Variants in RTN4RL1 observed in about 807,000 individuals in gnomAD.
The protein encoded by RTN4RL1 is reticulon 4 receptor like 1.
Under a neutral mutation model 25.6 loss-of-function variants are expected in RTN4RL1, and 7 were observed. That is an observed-to-expected ratio of 0.27 (90% CI 0.16 to 0.51). The LOEUF (loss-of-function observed/expected upper bound fraction) is 0.51. Among genes scored for constraint, RTN4RL1 ranks in the 20% least tolerant of loss-of-function variants. The pLI, the probability that RTN4RL1 is intolerant of heterozygous loss-of-function variation, is 0.97. For synonymous variants in RTN4RL1, 297 were observed against 288.2 expected, an observed-to-expected ratio of 1.03 and a Z score of -0.31; for missense variants, 500 against 615.6, an observed-to-expected ratio of 0.81 and a Z score of 1.99.
rs58785478 is a variant in RTN4RL1 at position 1,935,711 on chromosome 17, GTATATATATATATATATATATATA to G, written c.*761_*784del. On this transcript the variant is annotated 3_prime_UTR_variant, in exon 2 of 2. Coordinates refer to ENST00000331238, the MANE Select transcript of RTN4RL1 (RefSeq NM_178568.4). ...AGTGGGAGGGGGACTGTGCATTTGTGTATATATATATATATATATATATATATATATATATATATATATGTAGAG... is the reference window on the plus strand; with the variant it reads ...AGTGGGAGGGGGACTGTGCATTTGTGTATATATATATATATATATGTAGAG... 7.8e-4 allele frequency: 124 copies of G among 159,876 alleles called. 23 individuals carry two copies. Among genetic ancestry groups the G allele is most frequent in the Middle Eastern group, 4.1e-3 (1 of 244 alleles). 9.9% of individuals were successfully genotyped at this position (159,876 alleles called of 1,614,324 possible).
chr17:1,972,799 C>T (rs2066826259), intron 1 of RTN4RL1, among the ~76,000 whole-genome samples: 1 of 152,330 alleles, frequency 6.6e-6, no homozygotes, highest in Admixed American at 6.5e-5. Context: ...CCTCCACAGG[C>T]CCATTTTCTA....
chr17:1,970,109 C>T (rs1036190810), intron 1 of RTN4RL1, among the ~76,000 whole-genome samples: 2 of 151,806 alleles, frequency 1.3e-5, no homozygotes, highest in African/African-American at 4.8e-5. Flanking sequence ...GCAACCTCCG[C>T]CTCCCAGGTT....
In RTN4RL1 at chr17:1,998,434, G is replaced by A. The variant is rs1343534484; in HGVS notation, c.13+26419C>T. Among the ~76,000 whole-genome samples the A allele has an allele frequency of 6.6e-6, 1 of 152,100 alleles. No homozygotes were observed. Among genetic ancestry groups the A allele is most frequent in the Non-Finnish European group, 1.5e-5 (1 of 67,942 alleles). On this transcript the variant is annotated intron_variant, in intron 1 of 1. Transcript: ENST00000331238. The surrounding 1 kb of genome is among the most constrained non-coding windows in gnomAD (Gnocchi z 4.9). Reference sequence around the variant, plus strand: ...GCGCTGGGATCCGTTCCCTCTCGCGGGAGCCGCCGGCCGGGGATCTGCGCA... The same window carrying A: ...GCGCTGGGATCCGTTCCCTCTCGCGAGAGCCGCCGGCCGGGGATCTGCGCA...
chr17:1,956,856 G>A (rs1052215131), intron 1 of RTN4RL1, among the ~76,000 whole-genome samples: 7 of 150,432 alleles, frequency 4.7e-5, no homozygotes, highest in African/African-American at 7.3e-5. Flanking sequence ...ATTCTCCTTC[G>A]TCAGCACTCC....
At chr17:1,987,908 C>A (rs2066893758) in intron 1 of RTN4RL1, among the ~76,000 whole-genome samples, 1 of 150,386 alleles carries the variant, frequency 6.6e-6, no homozygotes, top group South Asian at 2.1e-4. Flanking sequence ...GATTTCAAGA[C>A]CATCATGGCC....
At chr17:2,022,817 CCAGGCTGTG>C (rs1265630818) in intron 1 of RTN4RL1, among the ~76,000 whole-genome samples, 1 of 152,224 alleles carries the variant, frequency 6.6e-6, no homozygotes, top group African/African-American at 2.4e-5. Flanking sequence ...CTTCAGCCAA[CCAGGCTGTG>C]CAGGAAGGAA....
In RTN4RL1 at chr17:1,935,711, GTATATA is replaced by G. The variant is rs58785478; in HGVS notation, c.*779_*784del. 7,538 of 159,712 alleles carry G rather than the reference GTATATA, an allele frequency of 0.047. 699 individuals are homozygous for G. Among genetic ancestry groups the G allele is most frequent in the Admixed American group, 0.12 (897 of 7,684 alleles). The allele number at this position is 159,712 out of a possible 1,614,324, so 9.9% of individuals were successfully genotyped here. On this transcript the variant is annotated 3_prime_UTR_variant, in exon 2 of 2. Transcript: ENST00000331238. ...AGTGGGAGGGGGACTGTGCATTTGT[GTATATA>G]TATATATATATATATATATATATAT...
intron 1 of RTN4RL1, among the ~76,000 whole-genome samples, chr17:1,949,340 G>A (rs941302604): frequency 2.0e-5 from 3 of 151,564 alleles, no homozygotes; most frequent in Admixed American, 6.6e-5. Flanking sequence ...CAGGTAATCC[G>A]CCCGCCTCAG....
At chr17:1,997,526 C>T (rs772927798) in intron 1 of RTN4RL1, among the ~76,000 whole-genome samples, 2 of 152,238 alleles carry the variant, frequency 1.3e-5, no homozygotes. Flanking sequence ...TGGTAGTCGA[C>T]AAGTATGACT....
chr17:1,936,591 G>A lies in RTN4RL1; in HGVS notation c.1231C>T (p.Arg411Cys), dbSNP rs574165669. Reference protein sequence around the residue: ...KGKCARRTPIRAPSGVQQASS... With the variant: ...KGKCARRTPICAPSGVQQASS... The stretch of plus-strand genomic sequence containing the variant: ...GCCTGCTGCACCCCGCTGGGGGCAC[G>A]GATGGGGGTCCTGCGGGCACACTTG... Residue 411 changes from arginine to cysteine, a missense_variant, in exon 2 of 2, where the codon CGT becomes TGT. Physicochemically the swap from Arg to Cys is radical, Grantham distance 180 (BLOSUM62 -3). Coordinates refer to ENST00000331238, the MANE Select transcript of RTN4RL1 (RefSeq NM_178568.4). The A allele has an allele frequency of 2.1e-5, 33 of 1,580,468 alleles. No homozygotes were observed. In the Admixed American group the frequency reaches 3.9e-4, roughly 19 times the overall value.
intron 1 of RTN4RL1, among the ~76,000 whole-genome samples, chr17:2,016,649 G>A (rs1391429629): frequency 6.6e-6 from 1 of 152,248 alleles, no homozygotes; most frequent in Non-Finnish European, 1.5e-5. Context: ...AGCGTGTGAT[G>A]AGAGACAGAG....
At chr17:2,022,920 G>A (rs534439051) in intron 1 of RTN4RL1, among the ~76,000 whole-genome samples, 2 of 152,224 alleles carry the variant, frequency 1.3e-5, no homozygotes, top group Non-Finnish European at 2.9e-5. Context: ...TCCCCCCGGG[G>A]AGCGGCCCCC....
intron 1 of RTN4RL1, among the ~76,000 whole-genome samples, chr17:2,001,911 C>T: frequency 6.7e-6 from 1 of 148,402 alleles, no homozygotes; most frequent in Admixed American, 6.9e-5. Flanking sequence ...CCTGAGGGGC[C>T]TCTTCACTTC....
In RTN4RL1 at chr17:1,994,150, C is replaced by T. The variant is rs999798524; in HGVS notation, c.13+30703G>A. Among the ~76,000 whole-genome samples the T allele has an allele frequency of 6.6e-6, 1 of 152,144 alleles. No individual in the cohort carries two copies. Among genetic ancestry groups the T allele is most frequent in the African/African-American group, 2.4e-5 (1 of 41,428 alleles). On this transcript the variant is annotated intron_variant, in intron 1 of 1. Coordinates refer to ENST00000331238, the MANE Select transcript of RTN4RL1 (RefSeq NM_178568.4). The surrounding 1 kb of genome is among the most constrained non-coding windows in gnomAD (Gnocchi z 4.3). ...CTTTCCCCAGTCTCTGGAGTAAGAT[C>T]TCATTTTGCTGCCTCTGAGAAGAGT...
chr17:1,998,310 G>A lies in RTN4RL1; in HGVS notation c.13+26543C>T, dbSNP rs1042197346. ...TCCCGCAGGCCGACCCGAGCCGAGC[G>A]CGCCCTTTGGGCACCGGCCCCGCCC... On this transcript the variant is annotated intron_variant, in intron 1 of 1. Transcript: ENST00000331238. The surrounding 1 kb of genome is among the most constrained non-coding windows in gnomAD (Gnocchi z 4.9). Among the ~76,000 whole-genome samples, 1 of 152,188 alleles carries A rather than the reference G, an allele frequency of 6.6e-6. No individual in the cohort carries two copies. The highest frequency in any genetic ancestry group is 2.4e-5 in the African/African-American group (1 of 41,466).
intron 1 of RTN4RL1, among the ~76,000 whole-genome samples, chr17:2,016,446 G>A (rs1317749821): frequency 1.3e-5 from 2 of 152,170 alleles, no homozygotes; most frequent in African/African-American, 2.4e-5. Flanking sequence ...TTACAGATGG[G>A]TAAACTGAGG....
chr17:2,004,607 G>A (rs1163877254), intron 1 of RTN4RL1, among the ~76,000 whole-genome samples: 2 of 152,148 alleles, frequency 1.3e-5, no homozygotes, highest in African/African-American at 2.4e-5. Context: ...CCAAGCGAAT[G>A]GAAACCACTT....
chr17:2,014,692 T>A (rs1426287383), intron 1 of RTN4RL1, among the ~76,000 whole-genome samples: 1 of 151,620 alleles, frequency 6.6e-6, no homozygotes, highest in African/African-American at 2.4e-5. Context: ...ATTAGCCGGG[T>A]GTGGTGGTGT....
At chr17:1,999,262 A>G (rs2066945320) in intron 1 of RTN4RL1, among the ~76,000 whole-genome samples, 1 of 151,800 alleles carries the variant, frequency 6.6e-6, no homozygotes, top group Admixed American at 6.6e-5. Flanking sequence ...CCTGGCCAAC[A>G]TGGTGAAACC....
Sources: allele counts gnomAD v4.1 joint callset (sites outside exome capture counted in the v4.1 genomes callset), GRCh38; gene constraint gnomAD v4.1.1; non-coding constraint Gnocchi (gnomAD v3.1); transcripts MANE v1.5; gene names NCBI Gene and HGNC (gene_info 2026-07-23, HGNC 2026-07-21).